The following CTNNA2 variants were observed in gnomAD, a reference collection of about 807,000 sequenced individuals.
CTNNA2 encodes catenin alpha-2.
Under a neutral mutation model 101.0 loss-of-function variants are expected in CTNNA2, and 42 were observed. That is an observed-to-expected ratio of 0.42 (90% CI 0.32 to 0.54). The LOEUF is 0.54. Among genes scored for constraint, CTNNA2 ranks in the 20% least tolerant of loss-of-function variants. The pLI, the probability that CTNNA2 is intolerant of heterozygous loss-of-function variation, is 0.14. For synonymous variants in CTNNA2, 450 were observed against 456.4 expected (o/e 0.99, Z 0.18); for missense variants, 871 against 1,223.1 (o/e 0.71, Z 4.29).
intron 4 of CTNNA2, among the ~76,000 whole-genome samples, chr2:79,866,226 A>G (rs1682087503): frequency 6.6e-6 from 1 of 152,240 alleles, no homozygotes; most frequent in Admixed American, 6.5e-5. Context: ...TTCTGAAAAG[A>G]ATTTCTTAAC....
chr2:79,280,685 A>AAAGAGAGAGAG (rs1675350905), intron 2 of CTNNA2, among the ~76,000 whole-genome samples: 1 of 88,446 alleles, frequency 1.1e-5, no homozygotes, highest in Non-Finnish European at 2.3e-5. Context: ...GAGAGAGAGA[A>AAAGAGAGAGAG]AGAGAGAGAG....
intron 2 of CTNNA2, among the ~76,000 whole-genome samples, chr2:79,724,790 G>A (rs1295314284): frequency 1.4e-5 from 2 of 145,644 alleles, no homozygotes; most frequent in African/African-American, 2.6e-5. Flanking sequence ...ATTCCAGCCG[G>A]GGCGACAGAC....
chr2:80,438,643 C>T (rs1380341030), intron 9 of CTNNA2, among the ~76,000 whole-genome samples: 1 of 152,124 alleles, frequency 6.6e-6, no homozygotes, highest in Non-Finnish European at 1.5e-5. Context: ...AATTGTATTA[C>T]ATAAAATAAA....
chr2:80,263,870 C>A (rs1237056190), intron 7 of CTNNA2, among the ~76,000 whole-genome samples: 2 of 152,216 alleles, frequency 1.3e-5, no homozygotes, highest in African/African-American at 4.8e-5. Context: ...TCTTCCAGAG[C>A]AACCCTGAAT....
chr2:80,284,221 G>A (rs954584066), intron 7 of CTNNA2, among the ~76,000 whole-genome samples: 1 of 152,088 alleles, frequency 6.6e-6, no homozygotes, highest in Non-Finnish European at 1.5e-5. Flanking sequence ...ATTTTTTGGA[G>A]GATAAGGGGC....
At chr2:79,971,409 G>C (rs1164650230) in intron 7 of CTNNA2, among the ~76,000 whole-genome samples, 1 of 151,888 alleles carries the variant, frequency 6.6e-6, no homozygotes, top group East Asian at 1.9e-4. Context: ...GTTTTTCTCT[G>C]AGGCGGGTCT....
At chr2:79,226,727 G>A (rs1391822744) in intron 2 of CTNNA2, among the ~76,000 whole-genome samples, 1 of 152,118 alleles carries the variant, frequency 6.6e-6, no homozygotes, top group East Asian at 1.9e-4. Flanking sequence ...TTACCAGGCT[G>A]AAATATGTTT....
intron 7 of CTNNA2, among the ~76,000 whole-genome samples, chr2:80,194,152 A>T (rs961408): frequency 6.6e-6 from 1 of 152,078 alleles, no homozygotes; most frequent in East Asian, 1.9e-4. Context: ...GCCAATTGCC[A>T]TTTCTCACCG....
rs149679882 is a variant in CTNNA2 at position 79,417,161 on chromosome 2, G to A, written c.-135+43148G>A. ...TACCGAAAGGGAATTTAAGGGATAT[G>A]AACTGGTAGTTTAAAAATATTTTCA... is the stretch of plus-strand genomic sequence containing the variant. On this transcript the variant is annotated intron_variant, in intron 4 of 21. Coordinates refer to the CTNNA2 transcript ENST00000466387. 2.6e-3 allele frequency among the ~76,000 whole-genome samples: 402 copies of A among 152,190 alleles called. 1 individual carries two copies. Among genetic ancestry groups the A allele is most frequent in the African/African-American group, 9.3e-3 (386 of 41,550 alleles).
intron 4 of CTNNA2, among the ~76,000 whole-genome samples, chr2:79,411,498 A>T (rs1678410284): frequency 6.6e-6 from 1 of 152,048 alleles, no homozygotes; most frequent in African/African-American, 2.4e-5. Flanking sequence ...CCAGAGAGAA[A>T]GGTCGGGTTA....
chr2:79,792,273 A>G (rs1336058777), intron 3 of CTNNA2, among the ~76,000 whole-genome samples: 2 of 152,206 alleles, frequency 1.3e-5, no homozygotes, highest in Non-Finnish European at 2.9e-5. Context: ...GGATGTTTGC[A>G]TAGTAAACAG....
rs920214995 is a variant in CTNNA2, at chr2:79,816,862, A to G, written c.299-41151A>G. On this transcript the variant is annotated intron_variant, in intron 3 of 18. Transcript: ENST00000402739. Reference sequence around the variant, plus strand: ...TAAAATAGCCTTTTTACAGTGGCATACCTAGCTGGCAAAAGAGCATCTCAA... The same window carrying G: ...TAAAATAGCCTTTTTACAGTGGCATGCCTAGCTGGCAAAAGAGCATCTCAA... 2.0e-5 allele frequency among the ~76,000 whole-genome samples: 3 copies of G among 152,158 alleles called. No individual in the cohort carries two copies. In the East Asian group the frequency reaches 5.8e-4, roughly 29 times the overall value.
chr2:79,503,487 A>G (rs1414226892), intron 4 of CTNNA2, among the ~76,000 whole-genome samples: 1 of 152,184 alleles, frequency 6.6e-6, no homozygotes, highest in Non-Finnish European at 1.5e-5. Context: ...CAATGGTGTC[A>G]CACAATTCCC....
intron 7 of CTNNA2, among the ~76,000 whole-genome samples, chr2:79,966,379 G>A (rs1326915675): frequency 2.0e-5 from 3 of 152,018 alleles, no homozygotes; most frequent in Non-Finnish European, 4.4e-5. Context: ...GGGACCACAG[G>A]CCCCCTCCAC....
intron 1 of CTNNA2, among the ~76,000 whole-genome samples, chr2:79,612,772 C>G (rs761335195): frequency 6.6e-6 from 1 of 151,996 alleles, no homozygotes; most frequent in Non-Finnish European, 1.5e-5. Context: ...AAGAATGAAT[C>G]AAAGTTGGAA....
At chr2:80,110,303 C>T (rs916918471) in intron 7 of CTNNA2, among the ~76,000 whole-genome samples, 1 of 152,164 alleles carries the variant, frequency 6.6e-6, no homozygotes, top group African/African-American at 2.4e-5. Context: ...TACCTCCCTT[C>T]ATTCTGTTAA....
intron 1 of CTNNA2, chr2:79,524,611 T>C (rs946225002): frequency 4.6e-5 from 7 of 151,958 alleles, no homozygotes; most frequent in African/African-American, 1.7e-4. Flanking sequence ...ATACTTTTTA[T>C]TTCAGTGTCT....
At chr2:79,362,390 A>C (rs1677651152) in intron 3 of CTNNA2, among the ~76,000 whole-genome samples, 1 of 152,236 alleles carries the variant, frequency 6.6e-6, no homozygotes, top group Admixed American at 6.5e-5. Context: ...TTGAATGGTT[A>C]GATCAAGCTA....
intron 9 of CTNNA2, among the ~76,000 whole-genome samples, chr2:80,465,559 G>C (rs944554044): frequency 3.3e-5 from 5 of 152,040 alleles, no homozygotes; most frequent in African/African-American, 1.2e-4. Flanking sequence ...ACTCCTTTTG[G>C]AGGTGCTCCA....
Sources: allele counts gnomAD v4.1 joint callset (sites outside exome capture counted in the v4.1 genomes callset), GRCh38; gene constraint gnomAD v4.1.1; transcripts MANE v1.5; gene names NCBI Gene and HGNC (gene_info 2026-07-23, HGNC 2026-07-21).